BICRAL: variants seen among roughly 807,000 people sequenced by gnomAD.
BICRAL encodes the protein BICRA like chromatin remodeling complex associated protein, also known as BRD4-interacting chromatin-remodeling complex-associated protein-like.
BICRAL carries 8 observed loss-of-function variants against 91.8 expected under a neutral mutation model. The observed-to-expected ratio is 0.09, with a 90% confidence interval of 0.05 to 0.16. The LOEUF (loss-of-function observed/expected upper bound fraction) is 0.16. BICRAL is among the 10% of genes least tolerant of loss of function. The pLI, the probability that BICRAL is intolerant of heterozygous loss-of-function variation, is 1.00. For synonymous variants in BICRAL, 445 were observed against 491.1 expected, an observed-to-expected ratio of 0.91 and a Z score of 1.24; for missense variants, 1,038 against 1,310.9, an observed-to-expected ratio of 0.79 and a Z score of 3.21.
chr6:42,800,925 CT>C (rs67274098), intron 1 of BICRAL, among the ~76,000 whole-genome samples: 70,370 of 151,896 alleles, frequency 0.46, 17,645 homozygotes, highest in African/African-American at 0.66. Context: ...TTCATAATAA[CT>C]TTTAATCAGA....
chr6:42,817,962 A>AT (rs1764043176), intron 2 of BICRAL, among the ~76,000 whole-genome samples: 1 of 118,440 alleles, frequency 8.4e-6, no homozygotes, highest in Non-Finnish European at 1.7e-5. Context: ...GAGAGACCCT[A>AT]TCTCTAAAAA....
chr6:42,815,229 G>T (rs1411986161), intron 2 of BICRAL, among the ~76,000 whole-genome samples: 1 of 110,764 alleles, frequency 9.0e-6, no homozygotes, highest in Admixed American at 1.2e-4. Flanking sequence ...TCGCTCTGTT[G>T]CCCAGGCTAG....
chr6:42,857,970 G>A (rs948350423), intron 10 of BICRAL, among the ~76,000 whole-genome samples: 13 of 150,416 alleles, frequency 8.6e-5, no homozygotes, highest in African/African-American at 2.9e-4. Flanking sequence ...CACCACGGCT[G>A]GCTAATTTTT....
chr6:42,770,439 A>G (rs1762702346), intron 1 of BICRAL, among the ~76,000 whole-genome samples: 1 of 130,096 alleles, frequency 7.7e-6, no homozygotes, highest in Non-Finnish European at 1.6e-5. Context: ...TTTGAGACGG[A>G]GCCTTGCTCA....
At chr6:42,859,157 G>A (rs896591544) in intron 10 of BICRAL, among the ~76,000 whole-genome samples, 10 of 152,074 alleles carry the variant, frequency 6.6e-5, no homozygotes, top group Non-Finnish European at 1.0e-4. Flanking sequence ...TTGGAAGGCC[G>A]AGGTGGGCAG....
At chr6:42,824,223 C>CG (rs1478070195) in intron 5 of BICRAL, among the ~76,000 whole-genome samples, 1 of 149,958 alleles carries the variant, frequency 6.7e-6, no homozygotes, top group Non-Finnish European at 1.5e-5. Context: ...TAGGGAGACT[C>CG]TGTCTCAAAA....
At chr6:42,799,552 C>T (rs895320382) in intron 1 of BICRAL, among the ~76,000 whole-genome samples, 7 of 151,678 alleles carry the variant, frequency 4.6e-5, no homozygotes, top group Non-Finnish European at 1.0e-4. Context: ...CCTCAGCCTC[C>T]CAAAGTGCTG....
chr6:42,855,946 A>C (rs1765337929), intron 9 of BICRAL, 29 bp downstream of exon 9: 2 of 1,563,042 alleles, frequency 1.3e-6, no homozygotes, highest in South Asian at 2.2e-5. Context: ...TGACAAATCA[A>C]TTCTGAACAC....
intron 1 of BICRAL, among the ~76,000 whole-genome samples, chr6:42,775,676 A>C (rs1762798700): frequency 6.6e-6 from 1 of 152,160 alleles, no homozygotes; most frequent in Non-Finnish European, 1.5e-5. Flanking sequence ...TATTATTAAC[A>C]GCTCTGCTGT....
At chr6:42,818,532 C>T (rs971214973) in intron 2 of BICRAL, among the ~76,000 whole-genome samples, 6 of 151,950 alleles carry the variant, frequency 3.9e-5, no homozygotes, top group African/African-American at 1.4e-4. Flanking sequence ...TTTGACTTTG[C>T]TTATGATGTG....
In BICRAL at chr6:42,867,578, T is replaced by C. The variant is rs865926213; in HGVS notation, c.*2132T>C. 1.3e-5 allele frequency: 2 copies of C among 152,628 alleles called. No homozygotes were observed. The highest frequency in any genetic ancestry group is 3.4e-3 in the Middle Eastern group (1 of 294). The allele number at this position is 152,628 out of a possible 1,614,324, so 9.5% of individuals were successfully genotyped here. A position where few individuals can be genotyped will look rare whatever the true frequency, so the allele number is the denominator to read the frequency against. On this transcript the variant is annotated 3_prime_UTR_variant, in exon 13 of 13. Coordinates refer to ENST00000314073, the MANE Select transcript of BICRAL (RefSeq NM_001393499.1). ...ATCCTTCCTAATCAAATTCTTCTCA[T>C]TGCAGAACTTTATCCCTGGAAGCCT...
chr6:42,831,375 G>A (rs1764472351), intron 6 of BICRAL, among the ~76,000 whole-genome samples: 1 of 152,200 alleles, frequency 6.6e-6, no homozygotes, highest in African/African-American at 2.4e-5. Flanking sequence ...AGCACATAAA[G>A]GGAGAGATCG....
At position 42,829,054 on chromosome 6, in the gene BICRAL, A is replaced by T; in HGVS notation, c.721A>T (p.Ser241Cys). ...LDGSQIILKGSGQQAPSNVSG... is the reference protein window; with the variant it reads ...LDGSQIILKGCGQQAPSNVSG... ...TGGATCTCAAATCATATTAAAGGGC[A>T]GCGGGCAGCAAGCCCCATCAAATGT... Residue 241 changes from serine to cysteine, a missense_variant, in exon 6 of 13, where the codon AGC becomes TGC. Physicochemically the swap from Ser to Cys is moderately radical, Grantham distance 112 (BLOSUM62 -1). This residue lies in a region of BICRAL where 532 missense variants were observed against 724.9 expected (regional missense o/e 0.73). Transcript: ENST00000314073. 5.0e-6 allele frequency: 8 copies of T among 1,614,116 alleles called. No individual in the cohort carries two copies. Among genetic ancestry groups the T allele is most frequent in the Non-Finnish European group, 6.8e-6 (8 of 1,179,940 alleles).
chr6:42,819,937 A>G (rs1764095552), intron 2 of BICRAL, among the ~76,000 whole-genome samples: 1 of 152,162 alleles, frequency 6.6e-6, no homozygotes, highest in Non-Finnish European at 1.5e-5. Context: ...CTTTCAAGCC[A>G]AGTGTTTGAC....
intron 1 of BICRAL, among the ~76,000 whole-genome samples, chr6:42,807,781 G>A (rs1763749428): frequency 6.6e-6 from 1 of 150,674 alleles, no homozygotes; most frequent in South Asian, 2.1e-4. Context: ...ACTCTAGCCT[G>A]GCAACAGAGC....
chr6:42,867,114 A>C lies in BICRAL; in HGVS notation c.*1668A>C. ...GAATCTGCTTCTGGCTGTCGCCAAC[A>C]TGGGGATGACCCCCATTGTCATCAT... On this transcript the variant is annotated 3_prime_UTR_variant, in exon 13 of 13. Coordinates refer to ENST00000314073, the MANE Select transcript of BICRAL (RefSeq NM_001393499.1). 3.6e-6 allele frequency: 1 copy of C among 276,240 alleles called. No individual in the cohort carries two copies. Among genetic ancestry groups the C allele is most frequent in the Non-Finnish European group, 7.3e-6 (1 of 137,752 alleles). The allele number at this position is 276,240 out of a possible 1,614,324, so 17.1% of individuals were successfully genotyped here.
intron 1 of BICRAL, among the ~76,000 whole-genome samples, chr6:42,795,251 C>T (rs948998933): frequency 1.3e-5 from 2 of 152,130 alleles, no homozygotes; most frequent in South Asian, 4.2e-4. Context: ...GCCAACATGG[C>T]GAGACCCCGT....
chr6:42,751,806 C>T (rs943256533), intron 1 of BICRAL, among the ~76,000 whole-genome samples: 8 of 151,956 alleles, frequency 5.3e-5, no homozygotes, highest in Non-Finnish European at 1.0e-4. Flanking sequence ...TATAGGCATG[C>T]GCCACCATGC....
chr6:42,771,052 T>C (rs549569057), intron 1 of BICRAL, among the ~76,000 whole-genome samples: 1 of 152,352 alleles, frequency 6.6e-6, no homozygotes, highest in Non-Finnish European at 1.5e-5. Context: ...ACCTGGGGAC[T>C]GCTGGGTCCC....
Sources: allele counts gnomAD v4.1 joint callset (sites outside exome capture counted in the v4.1 genomes callset), GRCh38; gene constraint gnomAD v4.1.1; regional missense constraint gnomAD v4.1.1; transcripts MANE v1.5; gene names NCBI Gene and HGNC (gene_info 2026-07-23, HGNC 2026-07-21).